GTF2IRD2: variants seen among roughly 807,000 people sequenced by gnomAD.
GTF2IRD2 encodes the protein general transcription factor II-I repeat domain-containing protein 2A.
In GTF2IRD2, 8 loss-of-function variants were observed where a neutral mutation model predicts 49.2. That is an observed-to-expected ratio of 0.16 (90% confidence interval 0.10 to 0.29). The LOEUF is 0.29. Ranked by LOEUF, GTF2IRD2 falls within the 10% of genes least tolerant of loss-of-function variation. GTF2IRD2 has a pLI of 1.00. For synonymous variants in GTF2IRD2, 47 were observed against 289.7 expected, an observed-to-expected ratio of 0.16 and a Z score of 8.51; for missense variants, 130 against 725.7, an observed-to-expected ratio of 0.18 and a Z score of 9.43.
In GTF2IRD2 at chr7:74,831,504, T is replaced by TACACACACACACAC. The variant is rs4029807; in HGVS notation, c.238+1287_238+1300dup. Among the ~76,000 whole-genome samples, 359 of 119,480 alleles carry TACACACACACACAC rather than the reference T, an allele frequency of 3.0e-3. 1 individual carries two copies. The highest frequency in any genetic ancestry group is 6.6e-3 in the African/African-American group (216 of 32,970). 78.4% of individuals were successfully genotyped at this position (119,480 alleles called of 152,430 possible). On this transcript the variant is annotated intron_variant, in intron 3 of 15. Coordinates refer to ENST00000451013, the MANE Select transcript of GTF2IRD2 (RefSeq NM_173537.5). Reference sequence around the variant, plus strand: ...CCATAGAGACCCCTCTCTCTGTACATACACACACACACACACACACACACA... The same window carrying TACACACACACACAC: ...CCATAGAGACCCCTCTCTCTGTACATACACACACACACACACACACACACACACACACACACACA...
At chr7:74,799,007 TTTTC>T (rs1244922155) in intron 15 of GTF2IRD2, 3 of 144,854 alleles carry the variant, frequency 2.1e-5, no homozygotes, top group African/African-American at 7.7e-5. Context: ...CTTTTTTTCT[TTTTC>T]TTTTTTTTTT....
intron 11 of GTF2IRD2, among the ~76,000 whole-genome samples, chr7:74,807,241 G>A (rs1170710161): frequency 4.6e-5 from 4 of 87,670 alleles, no homozygotes; most frequent in Admixed American, 2.5e-4. Context: ...CCTCAGCCTT[G>A]TGAGTAGCTG....
At chr7:74,827,411 T>TAAG (rs1799496097) in intron 3 of GTF2IRD2, among the ~76,000 whole-genome samples, 1 of 113,114 alleles carries the variant, frequency 8.8e-6, no homozygotes, top group Non-Finnish European at 1.8e-5. Flanking sequence ...ACTGCTGGGC[T>TAAG]AAGGCAGGGG....
At chr7:74,833,164 G>A (rs1389776091) in intron 2 of GTF2IRD2, among the ~76,000 whole-genome samples, 1 of 93,788 alleles carries the variant, frequency 1.1e-5, no homozygotes, top group African/African-American at 4.1e-5. Flanking sequence ...GTCATTCTCC[G>A]GCCTCAGCCT....
chr7:74,835,916 C>T (rs1423068313), intron 2 of GTF2IRD2, among the ~76,000 whole-genome samples: 34 of 120,982 alleles, frequency 2.8e-4, no homozygotes, highest in Admixed American at 2.5e-3. Flanking sequence ...ACCCGGGAGG[C>T]GGAGGTTGCA....
intron 3 of GTF2IRD2, among the ~76,000 whole-genome samples, chr7:74,831,277 CTA>C (rs1365188552): frequency 6.6e-6 from 1 of 150,562 alleles, no homozygotes; most frequent in Non-Finnish European, 1.5e-5. Flanking sequence ...TCTCCCTTAT[CTA>C]TCCATCCATC....
chr7:74,799,011 C>CTTTTTTTTTT (rs1286153945), intron 15 of GTF2IRD2: 1 of 129,198 alleles, frequency 7.7e-6, no homozygotes. Flanking sequence ...TTTTCTTTTT[C>CTTTTTTTTTT]TTTTTTTTTT....
At chr7:74,808,692 T>TTA (rs1196148898) in intron 11 of GTF2IRD2, among the ~76,000 whole-genome samples, 8 of 84,450 alleles carry the variant, frequency 9.5e-5, no homozygotes, top group African/African-American at 2.1e-4. Flanking sequence ...GGCTGCTCTA[T>TTA]TATATATATA....
chr7:74,803,012 GC>G lies in GTF2IRD2; in HGVS notation c.1217+285del, dbSNP rs587686906. On this transcript the variant is annotated intron_variant, in intron 14 of 15. Coordinates refer to ENST00000451013, the MANE Select transcript of GTF2IRD2 (RefSeq NM_173537.5). The stretch of plus-strand genomic sequence containing the variant: ...TTACAGGCGTGAGCCACCGTGCCTG[GC>G]CCCACTTAGTTTTATTGGACAAATT... Among the ~76,000 whole-genome samples the G allele has an allele frequency of 8.4e-3, 1,272 of 151,656 alleles. 8 individuals are homozygous for G. The highest frequency in any genetic ancestry group is 0.043 in the South Asian group (205 of 4,720).
chr7:74,827,007 G>A (rs1799462418), intron 3 of GTF2IRD2, among the ~76,000 whole-genome samples: 1 of 151,972 alleles, frequency 6.6e-6, no homozygotes, highest in Non-Finnish European at 1.5e-5. Context: ...TACCATGCCC[G>A]GCCATTTCAT....
At chr7:74,831,177 A>G (rs1325978693) in intron 3 of GTF2IRD2, among the ~76,000 whole-genome samples, 386 of 150,840 alleles carry the variant, frequency 2.6e-3, no homozygotes, top group African/African-American at 8.8e-3. Flanking sequence ...GAATCAATCT[A>G]TCACTCAATT....
intron 3 of GTF2IRD2, among the ~76,000 whole-genome samples, chr7:74,831,305 CAT>C (rs587669806): frequency 1.6e-4 from 24 of 148,912 alleles, no homozygotes; most frequent in East Asian, 3.9e-4. Context: ...TATCTACATA[CAT>C]ATATATATAT....
chr7:74,824,253 G>A (rs1799179341), intron 4 of GTF2IRD2, among the ~76,000 whole-genome samples: 1 of 91,772 alleles, frequency 1.1e-5, no homozygotes, highest in African/African-American at 5.0e-5. Flanking sequence ...AGGATCACCT[G>A]AGGTCAGGAG....
chr7:74,845,867 C>CG (rs1801253511), intron 1 of GTF2IRD2, among the ~76,000 whole-genome samples: 1 of 138,594 alleles, frequency 7.2e-6, no homozygotes, highest in African/African-American at 2.6e-5. Flanking sequence ...GTTATTAACC[C>CG]TTTTTTTACT....
Position 74,815,378 on chromosome 7 carries a change from G to C in GTF2IRD2, c.671-2562C>G, listed in dbSNP as rs1299848444. 6.6e-4 allele frequency among the ~76,000 whole-genome samples: 53 copies of C among 80,076 alleles called. 5 individuals are homozygous for C. The highest frequency in any genetic ancestry group is 1.4e-3 in the African/African-American group (47 of 33,248). The allele number at this position is 80,076 out of a possible 152,430, so 52.5% of individuals were successfully genotyped here. On this transcript the variant is annotated intron_variant, in intron 8 of 15. Coordinates refer to ENST00000451013, the MANE Select transcript of GTF2IRD2 (RefSeq NM_173537.5). ...AAGCAGGAGAATCGCTTGAACCCGGGGGGGCGGAAGTTGCAGTGAGCTGAG... is the reference window on the plus strand; with the variant it reads ...AAGCAGGAGAATCGCTTGAACCCGGCGGGGCGGAAGTTGCAGTGAGCTGAG...
intron 4 of GTF2IRD2, 93 bp from the exon 5 acceptor site, chr7:74,822,900 A>C (rs1321571517): frequency 7.0e-7 from 1 of 1,433,596 alleles, no homozygotes; most frequent in African/African-American, 1.6e-5. Context: ...TTGTAGAAAC[A>C]GAGTCTCGCT....
intron 4 of GTF2IRD2, among the ~76,000 whole-genome samples, chr7:74,823,999 C>CA (rs1799148920): frequency 9.7e-6 from 1 of 103,594 alleles, no homozygotes; most frequent in African/African-American, 3.6e-5. Flanking sequence ...CCGTCTCTAC[C>CA]AAAAAATACA....
chr7:74,825,802 C>CTT (rs71304554), intron 3 of GTF2IRD2, among the ~76,000 whole-genome samples: 6 of 110,892 alleles, frequency 5.4e-5, no homozygotes, highest in South Asian at 3.1e-4. Context: ...TTTCTTTCTT[C>CTT]TTTTTTTTTT....
intron 3 of GTF2IRD2, among the ~76,000 whole-genome samples, chr7:74,827,889 G>C (rs801022): frequency 3.9e-5 from 1 of 25,430 alleles, no homozygotes. Context: ...GGCACGATCT[G>C]GGCTCACTGC....
Sources: allele counts gnomAD v4.1 joint callset (sites outside exome capture counted in the v4.1 genomes callset), GRCh38; gene constraint gnomAD v4.1.1; transcripts MANE v1.5; gene names NCBI Gene and HGNC (gene_info 2026-07-23, HGNC 2026-07-21).